The following NAAA variants were observed in gnomAD, a reference collection of about 807,000 sequenced individuals.
NAAA encodes the protein N-acylethanolamine-hydrolyzing acid amidase.
Under a neutral mutation model 44.8 loss-of-function variants are expected in NAAA, and 39 were observed. The ratio of observed to expected loss-of-function variants is 0.87; its 90% CI spans 0.67 to 1.14. NAAA has a LOEUF of 1.14. Ranked by LOEUF, NAAA falls within the 50% of genes most tolerant of loss-of-function variation. The pLI, the probability that NAAA is intolerant of heterozygous loss-of-function variation, is 0.00. For synonymous variants in NAAA, 178 were observed against 191.3 expected (o/e 0.93, Z 0.58); for missense variants, 460 against 467.8 (o/e 0.98, Z 0.15).
chr4:75,940,246 A>G, intron 1 of NAAA, 81 bp from the exon 2 acceptor site: 1 of 1,495,552 alleles, frequency 6.7e-7, no homozygotes, highest in South Asian at 1.2e-5. Flanking sequence ...GAGCGGGGCT[A>G]CATCCTTAGG....
chr4:75,921,687 A>G (rs1285527305), intron 5 of NAAA, among the ~76,000 whole-genome samples: 1 of 152,226 alleles, frequency 6.6e-6, no homozygotes, highest in Admixed American at 6.5e-5. Context: ...GCTGGGAAGC[A>G]TCGCATGAAT....
rs531486304 is a variant in NAAA, at chr4:75,921,307, C to T, written c.667-184G>A. Reference sequence around the variant, plus strand: ...GATGGAAGAAATTTCAGCTTCAAAGCGGAGCCAGGAGCAGCAGGAAATTCT... The same window carrying T: ...GATGGAAGAAATTTCAGCTTCAAAGTGGAGCCAGGAGCAGCAGGAAATTCT... On this transcript the variant is annotated intron_variant, in intron 5 of 10. Coordinates refer to ENST00000286733, the MANE Select transcript of NAAA (RefSeq NM_014435.4). 3.9e-4 allele frequency among the ~76,000 whole-genome samples: 60 copies of T among 152,322 alleles called. No individual in the cohort carries two copies. The East Asian group carries it at 4.0e-3, about 10-fold the overall frequency.
rs374140828 is a variant in NAAA at position 75,936,078 on chromosome 4, G to C, written c.498+31C>G. ...CTAACTTGAGTTTGCAAATCTTTCTGATTTTTTATCTTATATGGTACGGAT... is the reference window on the plus strand; with the variant it reads ...CTAACTTGAGTTTGCAAATCTTTCTCATTTTTTATCTTATATGGTACGGAT... On this transcript the variant is annotated intron_variant, in intron 3 of 10. Transcript: ENST00000286733. 7 of 1,612,242 alleles carry C rather than the reference G, an allele frequency of 4.3e-6. No homozygotes were observed. The African/African-American group carries it at 9.4e-5, about 22-fold the overall frequency.
chr4:75,912,545 C>A (rs1050094475), downstream of NAAA, among the ~76,000 whole-genome samples: 2 of 139,582 alleles, frequency 1.4e-5, no homozygotes, highest in Non-Finnish European at 3.1e-5. Context: ...CAGAGGGAGA[C>A]TCTGTCTGGA....
At chr4:75,921,175 C>T in intron 5 of NAAA, 52 bp from the exon 6 acceptor site, 1 of 1,498,628 alleles carries the variant, frequency 6.7e-7, no homozygotes, top group South Asian at 1.3e-5. Flanking sequence ...GTTGGGTCCA[C>T]ACCAGATGAT....
At chr4:75,925,621 G>A in intron 5 of NAAA, 114 bp downstream of exon 5, 1 of 949,326 alleles carries the variant, frequency 1.1e-6, no homozygotes, top group Non-Finnish European at 1.7e-6. Flanking sequence ...CAGACATTTA[G>A]ATGCTTATTC....
chr4:75,918,621 A>T, intron 9 of NAAA, 140 bp downstream of exon 9: 1 of 774,554 alleles, frequency 1.3e-6, no homozygotes, highest in Non-Finnish European at 2.2e-6. Flanking sequence ...TCGCAGCTGT[A>T]CCCACAGGAG....
In NAAA at chr4:75,913,909, C is replaced by A; in HGVS notation, c.*466G>T. 1.0e-6 allele frequency: 1 copy of A among 985,322 alleles called. No individual in the cohort carries two copies. The highest frequency in any genetic ancestry group is 1.2e-6 in the Non-Finnish European group (1 of 829,876). 61.0% of individuals were successfully genotyped at this position (985,322 alleles called of 1,614,324 possible). On this transcript the variant is annotated 3_prime_UTR_variant, in exon 11 of 11. Coordinates refer to ENST00000286733, the MANE Select transcript of NAAA (RefSeq NM_014435.4). ...AACACACATTCAAACAGGCTTGGTTCGAAATAGAGTTCTCCATTTCTTTCA... is the reference window on the plus strand; with the variant it reads ...AACACACATTCAAACAGGCTTGGTTAGAAATAGAGTTCTCCATTTCTTTCA...
At chr4:75,910,868 T>C (rs916086641), downstream of NAAA, among the ~76,000 whole-genome samples, 5 of 152,202 alleles carry the variant, frequency 3.3e-5, no homozygotes, top group Admixed American at 6.5e-5. Flanking sequence ...TAAAGCTTTT[T>C]AATCACCTGG....
intron 9 of NAAA, among the ~76,000 whole-genome samples, chr4:75,915,243 G>C (rs1391201157): frequency 6.6e-6 from 1 of 152,166 alleles, no homozygotes; most frequent in East Asian, 1.9e-4. Flanking sequence ...CAGCTACTAG[G>C]GAGGCTGAGG....
chr4:75,918,612 C>T (rs1251414621), intron 9 of NAAA, 149 bp downstream of exon 9: 10 of 633,910 alleles, frequency 1.6e-5, no homozygotes, highest in East Asian at 8.9e-5. Flanking sequence ...TTGTTTTGCT[C>T]GCAGCTGTAC....
At chr4:75,921,206 A>G (rs1198257007) in intron 5 of NAAA, 83 bp from the exon 6 acceptor site, 2 of 1,249,642 alleles carry the variant, frequency 1.6e-6, no homozygotes, top group Non-Finnish European at 2.2e-6. Flanking sequence ...TCCAAAGCAC[A>G]TTCTCCTGAT....
intron 2 of NAAA, among the ~76,000 whole-genome samples, chr4:75,937,511 TTTG>T (rs1212831374): frequency 1.9e-4 from 28 of 144,158 alleles, no homozygotes; most frequent in African/African-American, 6.9e-4. Context: ...ATTTATTTAT[TTTG>T]AGTCTCTGTC....
At chr4:75,933,071 G>T (rs1450999155) in intron 3 of NAAA, among the ~76,000 whole-genome samples, 2 of 147,506 alleles carry the variant, frequency 1.4e-5, no homozygotes, top group Non-Finnish European at 3.0e-5. Context: ...GGAGGTAGAG[G>T]TTGCCGTGAG....
At chr4:75,919,550 C>T (rs1725950801) in intron 8 of NAAA, 2 of 299,382 alleles carry the variant, frequency 6.7e-6, no homozygotes, top group African/African-American at 2.2e-5. Context: ...GCAATCTCGG[C>T]TCACTGCAAG....
chr4:75,939,926 A>T (rs1728081750), intron 2 of NAAA, 75 bp downstream of exon 2: 12 of 1,545,070 alleles, frequency 7.8e-6, no homozygotes, highest in African/African-American at 1.4e-5. Context: ...CACGGAAAAT[A>T]TGTCTCCTCC....
At chr4:75,937,400 C>T (rs988650324) in intron 2 of NAAA, among the ~76,000 whole-genome samples, 1 of 152,194 alleles carries the variant, frequency 6.6e-6, no homozygotes, top group Admixed American at 6.5e-5. Flanking sequence ...GCCTGAGTAA[C>T]AGAGTGAGAC....
intron 10 of NAAA, among the ~76,000 whole-genome samples, 196 bp downstream of exon 10, chr4:75,914,672 C>A (rs1725491246): frequency 6.6e-6 from 1 of 152,138 alleles, no homozygotes; most frequent in African/African-American, 2.4e-5. Context: ...AGCCATCACG[C>A]CCCGCCGAAG....
At chr4:75,939,338 A>G (rs1283838638) in intron 2 of NAAA, among the ~76,000 whole-genome samples, 1 of 152,138 alleles carries the variant, frequency 6.6e-6, no homozygotes, top group Admixed American at 6.5e-5. Context: ...CTGGAAGGCC[A>G]CTGAGTTAAC....
Sources: allele counts gnomAD v4.1 joint callset (sites outside exome capture counted in the v4.1 genomes callset), GRCh38; gene constraint gnomAD v4.1.1; transcripts MANE v1.5; gene names NCBI Gene and HGNC (gene_info 2026-07-23, HGNC 2026-07-21).